The following GPR39 variants were observed in gnomAD, a reference collection of about 807,000 sequenced individuals.
GPR39 encodes zinc sensing receptor.
Under a neutral mutation model 18.4 loss-of-function variants are expected in GPR39, and 23 were observed. The ratio of observed to expected loss-of-function variants is 1.25; its 90% CI spans 0.90 to 1.77. The LOEUF (loss-of-function observed/expected upper bound fraction) is 1.77. Ranked by LOEUF, GPR39 falls within the 40% of genes most tolerant of loss-of-function variation. The pLI is 0.00. For missense variants in GPR39, 647 were observed against 602.4 expected (o/e 1.07, Z -0.78); for synonymous variants, 280 against 257.9 (o/e 1.09, Z -0.82).
At chr2:132,434,693 G>A (rs1475722027) in intron 1 of GPR39, among the ~76,000 whole-genome samples, 1 of 152,196 alleles carries the variant, frequency 6.6e-6, no homozygotes, top group African/African-American at 2.4e-5. Context: ...TGCCATCATT[G>A]TTACAGAAAA....
rs555572051 is a variant in GPR39, at chr2:132,431,916, CTG to C, written c.856+14019_856+14020del. Among the ~76,000 whole-genome samples the C allele has an allele frequency of 1.0e-3, 153 of 152,328 alleles. 1 individual carries two copies. The highest frequency in any genetic ancestry group is 3.6e-3 in the African/African-American group (148 of 41,564). ...GGCCAGAAGTCCAAAATAAGTTTCT[CTG>C]GGCCAAAATCAAGGTGTCAGCAGGA... is the stretch of plus-strand genomic sequence containing the variant. On this transcript the variant is annotated intron_variant, in intron 1 of 1. Coordinates refer to ENST00000329321, the MANE Select transcript of GPR39 (RefSeq NM_001508.3).
At chr2:132,488,136 G>C (rs1681378682) in intron 1 of GPR39, among the ~76,000 whole-genome samples, 1 of 152,086 alleles carries the variant, frequency 6.6e-6, no homozygotes, top group South Asian at 2.1e-4. Flanking sequence ...CTTTCTCCTG[G>C]ACTTACTTTC....
chr2:132,417,507 G>A lies in GPR39; in HGVS notation c.465G>A (p.Leu155=). 1 of 1,614,138 alleles carries A rather than the reference G, an allele frequency of 6.2e-7. No individual in the cohort carries two copies. Among genetic ancestry groups the A allele is most frequent in the South Asian group, 1.1e-5 (1 of 91,080 alleles). Residue 155 remains leucine, a synonymous_variant, in exon 1 of 2, where the codon CTG becomes CTA. Transcript: ENST00000329321. The part of the protein sequence containing the change: ...AVSGPCQVKL[L]IGFVWVTSAL... ...CGGGACCTTGCCAGGTGAAGCTGCTGATTGGCTTCGTCTGGGTCACCTCCG... is the reference window on the plus strand; with the variant it reads ...CGGGACCTTGCCAGGTGAAGCTGCTAATTGGCTTCGTCTGGGTCACCTCCG...
At chr2:132,500,916 G>A (rs4481049) in intron 1 of GPR39, among the ~76,000 whole-genome samples, 20,280 of 151,972 alleles carry the variant, frequency 0.13, 1,421 homozygotes, top group African/African-American at 0.17. Flanking sequence ...TGTGGTATCA[G>A]TTGTAATATC....
chr2:132,450,392 A>G (rs1680611382), intron 1 of GPR39, among the ~76,000 whole-genome samples: 1 of 152,232 alleles, frequency 6.6e-6, no homozygotes, highest in African/African-American at 2.4e-5. Context: ...CCTACTTTGT[A>G]ATGGACATTT....
chr2:132,477,581 G>A (rs916713922), intron 1 of GPR39, among the ~76,000 whole-genome samples: 1 of 152,070 alleles, frequency 6.6e-6, no homozygotes, highest in Admixed American at 6.5e-5. Flanking sequence ...AAAGAGCCAA[G>A]GCTCTGTCTC....
chr2:132,526,905 T>A (rs533807276), intron 1 of GPR39, among the ~76,000 whole-genome samples: 1 of 152,260 alleles, frequency 6.6e-6, no homozygotes, highest in Non-Finnish European at 1.5e-5. Flanking sequence ...ACCCTTTTTT[T>A]AAAATTAATT....
At chr2:132,501,533 TGAATA>T (rs2104750791) in intron 1 of GPR39, among the ~76,000 whole-genome samples, 1 of 152,320 alleles carries the variant, frequency 6.6e-6, no homozygotes, top group East Asian at 1.9e-4. Context: ...CATGTGCTAA[TGAATA>T]GAATATATAT....
intron 1 of GPR39, among the ~76,000 whole-genome samples, chr2:132,441,392 T>G (rs559550647): frequency 2.9e-4 from 44 of 149,842 alleles, no homozygotes; most frequent in African/African-American, 9.3e-4. Flanking sequence ...TGCTTTTTTT[T>G]TTGTTGTTGT....
intron 1 of GPR39, among the ~76,000 whole-genome samples, chr2:132,563,780 G>T (rs962215240): frequency 1.3e-5 from 2 of 152,196 alleles, no homozygotes; most frequent in African/African-American, 4.8e-5. Context: ...TTTGGCACTG[G>T]TATTTCTGAA....
chr2:132,625,297 G>A (rs1681522290), intron 1 of GPR39, among the ~76,000 whole-genome samples: 1 of 152,148 alleles, frequency 6.6e-6, no homozygotes, highest in African/African-American at 2.4e-5. Context: ...CCTCTGTGAA[G>A]TGCCTTTTCA....
intron 1 of GPR39, among the ~76,000 whole-genome samples, chr2:132,421,140 G>T (rs1275723622): frequency 6.6e-6 from 1 of 152,154 alleles, no homozygotes; most frequent in African/African-American, 2.4e-5. Context: ...CAATGATGAG[G>T]ATGTGTAAAA....
At chr2:132,514,136 C>T (rs901731053) in intron 1 of GPR39, among the ~76,000 whole-genome samples, 1 of 152,056 alleles carries the variant, frequency 6.6e-6, no homozygotes, top group African/African-American at 2.4e-5. Flanking sequence ...AAGGCTGGGC[C>T]AGATCTGTGA....
intron 1 of GPR39, among the ~76,000 whole-genome samples, chr2:132,430,455 G>A (rs1356669240): frequency 6.6e-6 from 1 of 152,130 alleles, no homozygotes; most frequent in Admixed American, 6.5e-5. Flanking sequence ...TTCTTATTTA[G>A]CAAGTAAGAA....
At chr2:132,582,056 G>A (rs1680632369) in intron 1 of GPR39, among the ~76,000 whole-genome samples, 2 of 152,334 alleles carry the variant, frequency 1.3e-5, no homozygotes, top group South Asian at 4.1e-4. Flanking sequence ...AGACCTCTGA[G>A]GGGGTGATTA....
chr2:132,492,701 T>A (rs867790082), intron 1 of GPR39, among the ~76,000 whole-genome samples: 1 of 138,514 alleles, frequency 7.2e-6, no homozygotes, highest in African/African-American at 2.7e-5. Flanking sequence ...CATATATATA[T>A]AATATATATA....
intron 1 of GPR39, among the ~76,000 whole-genome samples, chr2:132,543,598 GAT>G (rs1176969833): frequency 3.3e-5 from 5 of 152,176 alleles, no homozygotes; most frequent in Non-Finnish European, 5.9e-5. Flanking sequence ...TTTCATGAGA[GAT>G]ATAGAAACCT....
Position 132,582,903 on chromosome 2 carries a change from A to ATTTC in GPR39, c.857-62186_857-62183dup, listed in dbSNP as rs1238404995. On this transcript the variant is annotated intron_variant, in intron 1 of 1. Coordinates refer to ENST00000329321, the MANE Select transcript of GPR39 (RefSeq NM_001508.3). ...AATAGAATTGAATAGAGAGAATTAG[A>ATTTC]TTTCTTTCTTTCTTTTTTTTTTTTT... is the stretch of plus-strand genomic sequence containing the variant. 1.7e-3 allele frequency among the ~76,000 whole-genome samples: 231 copies of ATTTC among 138,786 alleles called. 6 individuals are homozygous for ATTTC. The highest frequency in any genetic ancestry group is 7.8e-3 in the Middle Eastern group (2 of 258). The allele number at this position is 138,786 out of a possible 152,430, so 91.0% of individuals were successfully genotyped here.
chr2:132,479,018 A>G (rs1442429342), intron 1 of GPR39, among the ~76,000 whole-genome samples: 2 of 152,166 alleles, frequency 1.3e-5, no homozygotes, highest in Admixed American at 6.5e-5. Context: ...CACAAAAACC[A>G]AAACCTTCTT....
Sources: allele counts gnomAD v4.1 joint callset (sites outside exome capture counted in the v4.1 genomes callset), GRCh38; gene constraint gnomAD v4.1.1; transcripts MANE v1.5; gene names NCBI Gene and HGNC (gene_info 2026-07-23, HGNC 2026-07-21).